The following BTBD16 variants were observed in gnomAD, a reference collection of about 807,000 sequenced individuals.
BTBD16 encodes the protein BTB/POZ domain-containing protein 16.
In BTBD16, 66 loss-of-function variants were observed where a neutral mutation model predicts 67.4. The observed-to-expected ratio is 0.98, with a 90% CI of 0.80 to 1.20. BTBD16 has a LOEUF of 1.20. Ranked by LOEUF, BTBD16 falls within the 50% of genes most tolerant of loss-of-function variation. BTBD16 has a pLI of 0.00. For missense variants in BTBD16, 634 were observed against 616.0 expected (o/e 1.03, Z -0.31); for synonymous variants, 242 against 236.4 (o/e 1.02, Z -0.22).
rs552770432 is a variant in BTBD16 at position 122,285,924 on chromosome 10, G to A, written c.242-181G>A. Among the ~76,000 whole-genome samples, 11 of 151,958 alleles carry A rather than the reference G, an allele frequency of 7.2e-5. No individual in the cohort carries two copies. The South Asian group carries it at 2.3e-3, about 32-fold the overall frequency. The stretch of plus-strand genomic sequence containing the variant: ...AGACTGGTTTGGTGTCCCCCTCAAA[G>A]CCACTAAGCCCCCGAGGCCCACACT... On this transcript the variant is annotated intron_variant, in intron 4 of 15. Transcript: ENST00000260723.
chr10:122,322,710 A>G (rs1590089995), intron 10 of BTBD16, among the ~76,000 whole-genome samples: 1 of 152,130 alleles, frequency 6.6e-6, no homozygotes, highest in African/African-American at 2.4e-5. Flanking sequence ...ATTTAGAGAG[A>G]TCAACTCGTT....
intron 12 of BTBD16, 161 bp from the exon 13 acceptor site, chr10:122,332,275 T>C: frequency 3.2e-6 from 2 of 628,486 alleles, no homozygotes; most frequent in Admixed American, 3.0e-5. Context: ...TTTCAATAAA[T>C]GTCTGTGAAC....
chr10:122,334,845 C>G, intron 13 of BTBD16, 36 bp from the exon 14 acceptor site: 2 of 1,289,936 alleles, frequency 1.6e-6, no homozygotes, highest in South Asian at 1.2e-5. Flanking sequence ...AAATATTTTC[C>G]CCCCTTCACT....
intron 9 of BTBD16, among the ~76,000 whole-genome samples, chr10:122,304,542 C>G (rs2096399763): frequency 6.9e-6 from 1 of 145,238 alleles, no homozygotes; most frequent in Non-Finnish European, 1.5e-5. Flanking sequence ...TACGGGGTAG[C>G]AGGTATTCTT....
Position 122,336,629 on chromosome 10 carries a change from A to G in BTBD16, c.1399A>G (p.Thr467Ala). ...LVDGKWQEFR[T>A]NQIKQKFGLT... Reference sequence around the variant, plus strand: ...TGACGGCAAGTGGCAGGAGTTCAGGACAAACCAGATCAAGCAGAAGTTTGG... The same window carrying G: ...TGACGGCAAGTGGCAGGAGTTCAGGGCAAACCAGATCAAGCAGAAGTTTGG... Residue 467 changes from threonine (T) to alanine (A), a missense_variant, in exon 15 of 16, where the codon ACA becomes GCA. Coordinates refer to ENST00000260723, the MANE Select transcript of BTBD16 (RefSeq NM_144587.5). 2 of 1,610,066 alleles carry G rather than the reference A, an allele frequency of 1.2e-6. No individual in the cohort carries two copies. The highest frequency in any genetic ancestry group is 1.7e-6 in the Non-Finnish European group (2 of 1,179,058).
chr10:122,285,751 C>T (rs1230821515), intron 4 of BTBD16, among the ~76,000 whole-genome samples: 1 of 152,062 alleles, frequency 6.6e-6, no homozygotes, highest in South Asian at 2.1e-4. Context: ...CAGAATGAGG[C>T]CCCCCAAGAG....
At chr10:122,297,372 G>A (rs1430143304) in intron 7 of BTBD16, among the ~76,000 whole-genome samples, 1 of 152,224 alleles carries the variant, frequency 6.6e-6, no homozygotes, top group African/African-American at 2.4e-5. Context: ...AGAGAGGAAT[G>A]GGACTTGAGG....
intron 5 of BTBD16, among the ~76,000 whole-genome samples, chr10:122,289,368 G>A (rs985381567): frequency 3.9e-5 from 6 of 152,108 alleles, no homozygotes; most frequent in African/African-American, 1.4e-4. Flanking sequence ...GTTAGGCGAG[G>A]GATACGTGGG....
intron 10 of BTBD16, among the ~76,000 whole-genome samples, chr10:122,311,974 G>T (rs765639502): frequency 1.3e-5 from 2 of 152,216 alleles, no homozygotes; most frequent in Non-Finnish European, 2.9e-5. Flanking sequence ...GCAATAGCTT[G>T]TTCATTCTCA....
chr10:122,273,245 TACACACATACATAC>T (rs2096333219), intron 1 of BTBD16, among the ~76,000 whole-genome samples: 5 of 139,452 alleles, frequency 3.6e-5, no homozygotes, highest in African/African-American at 8.0e-5. Flanking sequence ...TATATATATA[TACACACATACATAC>T]ATATATATAC....
In BTBD16 at chr10:122,283,857, C is replaced by T. The variant is rs1346542989; in HGVS notation, c.174C>T (p.Cys58=). Residue 58 remains cysteine (C), a synonymous_variant, in exon 4 of 16, where the codon TGC becomes TGT. Transcript: ENST00000260723. ...ATTTGCATTTTCCCTTGAGGTTATG[C>T]ATTTCACAAATCCAGAAGTTTTTCT... ...EEALRNPDRL[C]ISQIQKFFFE... The T allele has an allele frequency of 6.2e-7, 1 of 1,613,464 alleles. No individual in the cohort carries two copies. Among genetic ancestry groups the T allele is most frequent in the South Asian group, 1.1e-5 (1 of 91,050 alleles).
intron 9 of BTBD16, among the ~76,000 whole-genome samples, chr10:122,304,439 G>A (rs1410622559): frequency 6.6e-6 from 1 of 152,136 alleles, no homozygotes; most frequent in Non-Finnish European, 1.5e-5. Context: ...AAATGTCAAC[G>A]GGTTTAAGAA....
At chr10:122,284,865 A>G (rs1274224954) in intron 4 of BTBD16, among the ~76,000 whole-genome samples, 5 of 152,268 alleles carry the variant, frequency 3.3e-5, no homozygotes, top group Non-Finnish European at 1.5e-5. Context: ...GATGGCTGCC[A>G]TGCATTGGCC....
chr10:122,309,818 C>G (rs1590077169), intron 10 of BTBD16, among the ~76,000 whole-genome samples: 1 of 143,164 alleles, frequency 7.0e-6, no homozygotes, highest in African/African-American at 2.6e-5. Flanking sequence ...GTTGCCCAGG[C>G]TGGAGTGCAA....
chr10:122,320,966 C>T (rs564943306), intron 10 of BTBD16, among the ~76,000 whole-genome samples: 4 of 152,062 alleles, frequency 2.6e-5, no homozygotes, highest in Non-Finnish European at 5.9e-5. Context: ...AGGTACTGAG[C>T]ATAGTACTCA....
chr10:122,334,529 T>G (rs2096460360), intron 13 of BTBD16, among the ~76,000 whole-genome samples: 1 of 104,178 alleles, frequency 9.6e-6, no homozygotes, highest in Non-Finnish European at 1.9e-5. Flanking sequence ...TTTTTTGAGA[T>G]AGAGTCTTAC....
intron 10 of BTBD16, among the ~76,000 whole-genome samples, chr10:122,324,428 G>A (rs1220525559): frequency 6.6e-6 from 1 of 152,216 alleles, no homozygotes. Flanking sequence ...GTGTCCCCAG[G>A]GTGGGCGAGG....
chr10:122,336,248 T>G (rs2096463058), intron 14 of BTBD16, among the ~76,000 whole-genome samples: 1 of 152,206 alleles, frequency 6.6e-6, no homozygotes, highest in Non-Finnish European at 1.5e-5. Flanking sequence ...TCATAAAGCT[T>G]GACTTGATGG....
intron 15 of BTBD16, among the ~76,000 whole-genome samples, chr10:122,337,099 C>G (rs1231332225): frequency 6.6e-6 from 1 of 152,246 alleles, no homozygotes; most frequent in Admixed American, 6.5e-5. Flanking sequence ...CTGGGCCCAT[C>G]TACCTCAGTA....
Sources: gnomAD v4.1 joint callset for allele counts (sites outside exome capture counted in the v4.1 genomes callset) on GRCh38, gnomAD v4.1.1 for gene constraint, MANE v1.5 for transcripts, NCBI Gene and HGNC (gene_info 2026-07-23, HGNC 2026-07-21) for gene names.